The following PPP2R2B variants were observed in gnomAD, a reference collection of about 807,000 sequenced individuals.
PPP2R2B encodes the protein protein phosphatase 2 regulatory subunit Bbeta.
In PPP2R2B, 5 loss-of-function variants were observed where a neutral mutation model predicts 46.0. The observed-to-expected ratio is 0.11, with a 90% confidence interval of 0.06 to 0.23. The LOEUF (loss-of-function observed/expected upper bound fraction) is 0.23. Among genes scored for constraint, PPP2R2B ranks in the 10% least tolerant of loss-of-function variants. The probability of loss-of-function intolerance (pLI) is 1.00; values close to 1 mark genes in which losing one functional copy is unlikely to be tolerated. For missense variants in PPP2R2B, 367 were observed against 575.0 expected (o/e 0.64, Z 3.70); for synonymous variants, 215 against 206.7 (o/e 1.04, Z -0.34).
intron 7 of PPP2R2B, among the ~76,000 whole-genome samples, chr5:146,616,757 G>A (rs1773205259): frequency 6.6e-6 from 1 of 152,168 alleles, no homozygotes; most frequent in Non-Finnish European, 1.5e-5. Flanking sequence ...GGGAACACTT[G>A]TACATTGTTG....
At chr5:146,879,047 C>T (rs1031092700), upstream of PPP2R2B, 1 of 500,808 alleles carries the variant, frequency 2.0e-6, no homozygotes. Flanking sequence ...CTGCCTTTCT[C>T]CGGACGCCTG....
intron 7 of PPP2R2B, among the ~76,000 whole-genome samples, chr5:146,620,443 C>T (rs554087480): frequency 7.2e-5 from 11 of 152,268 alleles, no homozygotes; most frequent in African/African-American, 2.6e-4. Flanking sequence ...GTAAGGGAGG[C>T]GGCTGCAGTC....
chr5:146,753,348 A>C (rs1355152820), intron 2 of PPP2R2B, among the ~76,000 whole-genome samples: 2 of 152,124 alleles, frequency 1.3e-5, no homozygotes, highest in South Asian at 2.1e-4. Context: ...ATACTCTCCC[A>C]CACACAGAGA....
intron 7 of PPP2R2B, among the ~76,000 whole-genome samples, chr5:146,604,788 G>A (rs559294538): frequency 3.9e-5 from 6 of 152,316 alleles, no homozygotes; most frequent in Middle Eastern, 3.4e-3. Flanking sequence ...CATGCAGCTA[G>A]GCAGTGGTAG....
At chr5:147,060,329 T>A (rs1757219347), upstream of PPP2R2B, among the ~76,000 whole-genome samples, 1 of 152,302 alleles carries the variant, frequency 6.6e-6, no homozygotes, top group Admixed American at 6.5e-5. Flanking sequence ...ACATGACAGA[T>A]AAAATACCTA....
chr5:146,951,000 A>G (rs1764634259), intron 1 of PPP2R2B, among the ~76,000 whole-genome samples: 1 of 152,048 alleles, frequency 6.6e-6, no homozygotes, highest in Non-Finnish European at 1.5e-5. Context: ...CCTCAGGTAG[A>G]GATAAGGTCA....
intron 1 of PPP2R2B, among the ~76,000 whole-genome samples, chr5:146,949,737 C>G (rs1244509445): frequency 6.6e-6 from 1 of 152,016 alleles, no homozygotes; most frequent in Non-Finnish European, 1.5e-5. Flanking sequence ...GCACTATTAA[C>G]AGTATCAAAG....
chr5:146,889,819 C>T (rs909489540), intron 1 of PPP2R2B, among the ~76,000 whole-genome samples: 21 of 152,154 alleles, frequency 1.4e-4, no homozygotes, highest in Non-Finnish European at 1.0e-4. Flanking sequence ...GGATTCCACC[C>T]TCAAACTTAG....
At chr5:146,907,406 T>C (rs1024108681) in intron 1 of PPP2R2B, among the ~76,000 whole-genome samples, 14 of 152,192 alleles carry the variant, frequency 9.2e-5, no homozygotes, top group South Asian at 2.1e-4. Flanking sequence ...CATATGAGCG[T>C]TCCCAAAGTT....
intron 5 of PPP2R2B, among the ~76,000 whole-genome samples, chr5:146,662,441 A>C (rs1425877039): frequency 6.6e-6 from 1 of 152,166 alleles, no homozygotes; most frequent in African/African-American, 2.4e-5. Flanking sequence ...CCTTGGCTGC[A>C]CATCAGAATC....
intron 2 of PPP2R2B, among the ~76,000 whole-genome samples, chr5:146,733,823 G>T (rs1752375265): frequency 6.6e-6 from 1 of 152,146 alleles, no homozygotes; most frequent in South Asian, 2.1e-4. Flanking sequence ...CAATATATGT[G>T]CTGGAAAGTA....
At chr5:147,016,299 C>G (rs1397542989) in intron 1 of PPP2R2B, among the ~76,000 whole-genome samples, 2 of 151,212 alleles carry the variant, frequency 1.3e-5, no homozygotes, top group African/African-American at 4.8e-5. Flanking sequence ...TGCACCACTG[C>G]ACTCCTGCCT....
chr5:147,068,010 A>C (rs1039668216), intron 2 of PPP2R2B, among the ~76,000 whole-genome samples: 30 of 152,138 alleles, frequency 2.0e-4, no homozygotes, highest in Non-Finnish European at 1.8e-4. Context: ...GGTGTAAATA[A>C]TCTTTTTAGT....
intron 4 of PPP2R2B, among the ~76,000 whole-genome samples, chr5:146,693,556 T>C (rs553775318): frequency 6.6e-6 from 1 of 152,308 alleles, no homozygotes; most frequent in East Asian, 1.9e-4. Flanking sequence ...TTGCCAGATT[T>C]AGCAAGTAAA....
intron 1 of PPP2R2B, among the ~76,000 whole-genome samples, chr5:146,986,159 G>A (rs1223341662): frequency 6.6e-6 from 1 of 152,168 alleles, no homozygotes; most frequent in Admixed American, 6.6e-5. Context: ...CCTGTACACT[G>A]CTCCCCCAAA....
chr5:147,027,357 G>A (rs567998169), intron 1 of PPP2R2B, among the ~76,000 whole-genome samples: 22 of 152,224 alleles, frequency 1.4e-4, no homozygotes, highest in South Asian at 2.1e-4. Flanking sequence ...TTAGTGGGCC[G>A]GGCGCGGTGG....
At chr5:146,813,278 T>C (rs1757741587) in intron 2 of PPP2R2B, among the ~76,000 whole-genome samples, 1 of 151,942 alleles carries the variant, frequency 6.6e-6, no homozygotes, top group Non-Finnish European at 1.5e-5. Flanking sequence ...ATACCTCACA[T>C]ACCAATTCAA....
chr5:147,027,893 T>C lies in PPP2R2B; in HGVS notation c.79+27772A>G, dbSNP rs74693963. ...TTTCAATTATTGGTGCTTAAGTGTC[T>C]CTTTTGGGCGATGAGAGATAAGAGA... is the stretch of plus-strand genomic sequence containing the variant. On this transcript the variant is annotated intron_variant, in intron 1 of 8. Coordinates refer to the PPP2R2B transcript ENST00000336640. 0.011 allele frequency among the ~76,000 whole-genome samples: 1,702 copies of C among 152,278 alleles called. 95 individuals carry two copies. The East Asian group carries it at 0.18, about 16-fold the overall frequency.
chr5:146,626,245 A>G (rs1256643088), intron 7 of PPP2R2B, among the ~76,000 whole-genome samples: 2 of 149,518 alleles, frequency 1.3e-5, no homozygotes, highest in Admixed American at 7.4e-5. Flanking sequence ...ATACAGAGAG[A>G]AAGAGGTGAA....
Sources: gnomAD v4.1 joint callset for allele counts (sites outside exome capture counted in the v4.1 genomes callset) on GRCh38, gnomAD v4.1.1 for gene constraint, MANE v1.5 for transcripts, NCBI Gene and HGNC (gene_info 2026-07-23, HGNC 2026-07-21) for gene names.